The following CACNA2D3 variants were observed in gnomAD, a reference collection of about 807,000 sequenced individuals.
CACNA2D3 encodes calcium voltage-gated channel auxiliary subunit alpha2delta 3, also known as voltage-dependent calcium channel subunit alpha-2/delta-3.
Under a neutral mutation model 160.6 loss-of-function variants are expected in CACNA2D3, and 60 were observed. The ratio of observed to expected loss-of-function variants is 0.37; its 90% CI spans 0.30 to 0.46. The LOEUF is 0.46. Ranked by LOEUF, CACNA2D3 falls within the 20% of genes least tolerant of loss-of-function variation. The pLI is 1.00. For missense variants in CACNA2D3, 1,205 were observed against 1,365.0 expected (o/e 0.88, Z 1.85); for synonymous variants, 558 against 492.9 (o/e 1.13, Z -1.75).
chr3:54,999,036 G>A (rs989429791), intron 31 of CACNA2D3, among the ~76,000 whole-genome samples: 4 of 152,132 alleles, frequency 2.6e-5, no homozygotes, highest in African/African-American at 7.2e-5. Context: ...GTGAGCCACC[G>A]CGCCCGGCCA....
At chr3:55,065,154 A>G (rs973625762) in intron 35 of CACNA2D3, among the ~76,000 whole-genome samples, 1 of 152,134 alleles carries the variant, frequency 6.6e-6, no homozygotes, top group Non-Finnish European at 1.5e-5. Flanking sequence ...CAGGGATGGG[A>G]TTTCTGTCCA....
chr3:54,576,477 C>T (rs998519789), intron 8 of CACNA2D3, among the ~76,000 whole-genome samples: 1 of 152,206 alleles, frequency 6.6e-6, no homozygotes, highest in African/African-American at 2.4e-5. Flanking sequence ...TCATTGATCA[C>T]TTTGCTGTGT....
At chr3:54,361,225 A>G (rs1698737421) in intron 3 of CACNA2D3, among the ~76,000 whole-genome samples, 1 of 151,344 alleles carries the variant, frequency 6.6e-6, no homozygotes, top group South Asian at 2.1e-4. Context: ...GGTGGTCATA[A>G]ATGGAGTGGG....
At chr3:54,802,857 CA>C (rs1703025778) in intron 13 of CACNA2D3, among the ~76,000 whole-genome samples, 1 of 152,146 alleles carries the variant, frequency 6.6e-6, no homozygotes, top group Non-Finnish European at 1.5e-5. Flanking sequence ...TCCTCTGAGA[CA>C]AAACTTCCAG....
chr3:54,262,804 G>A (rs1267102672), intron 2 of CACNA2D3, among the ~76,000 whole-genome samples: 3 of 152,216 alleles, frequency 2.0e-5, no homozygotes, highest in Admixed American at 2.0e-4. Context: ...CGCATGGCGA[G>A]CCACCTCCCA....
At chr3:54,705,363 T>A (rs1451232786) in intron 11 of CACNA2D3, among the ~76,000 whole-genome samples, 1 of 152,180 alleles carries the variant, frequency 6.6e-6, no homozygotes, top group Non-Finnish European at 1.5e-5. Context: ...AGGTAACTTA[T>A]CTGTAGCCTA....
intron 27 of CACNA2D3, among the ~76,000 whole-genome samples, chr3:54,917,226 A>G (rs1253534942): frequency 6.6e-6 from 1 of 152,246 alleles, no homozygotes; most frequent in Non-Finnish European, 1.5e-5. Context: ...TCCTTTAAAT[A>G]GCCAGCTCCC....
chr3:54,279,002 G>C (rs772580490), intron 2 of CACNA2D3, among the ~76,000 whole-genome samples: 5 of 152,130 alleles, frequency 3.3e-5, no homozygotes, highest in Admixed American at 6.5e-5. Flanking sequence ...CACCAGTATT[G>C]ACAGCCCAGC....
chr3:54,264,120 T>C (rs1353338704), intron 2 of CACNA2D3, among the ~76,000 whole-genome samples: 3 of 152,166 alleles, frequency 2.0e-5, no homozygotes, highest in Admixed American at 6.5e-5. Flanking sequence ...TTGCTATTCA[T>C]CCAGCCCAAT....
intron 18 of CACNA2D3, among the ~76,000 whole-genome samples, chr3:54,876,478 C>T (rs531147071): frequency 1.1e-4 from 17 of 152,330 alleles, no homozygotes; most frequent in African/African-American, 4.1e-4. Flanking sequence ...GTAGAAGAGT[C>T]TGCCAGGAAG....
chr3:54,414,697 A>G (rs1699726023), intron 4 of CACNA2D3, among the ~76,000 whole-genome samples: 1 of 151,700 alleles, frequency 6.6e-6, no homozygotes, highest in Non-Finnish European at 1.5e-5. Flanking sequence ...TTGTGACTAT[A>G]AGTCTTAATT....
At chr3:54,653,915 A>G (rs1207930140) in intron 11 of CACNA2D3, among the ~76,000 whole-genome samples, 1 of 152,142 alleles carries the variant, frequency 6.6e-6, no homozygotes, top group African/African-American at 2.4e-5. Context: ...CTATCTAGGT[A>G]GCCACTCTTA....
rs545000438 is a variant in CACNA2D3, at chr3:54,482,509, A to G, written c.382-20983A>G. Among the ~76,000 whole-genome samples the G allele has an allele frequency of 2.6e-5, 4 of 152,302 alleles. No individual in the cohort carries two copies. In the South Asian group the frequency reaches 6.2e-4, roughly 24 times the overall value. On this transcript the variant is annotated intron_variant, in intron 4 of 37. Transcript: ENST00000474759. ...ACCAATTTAAGGAAACATTTTTATA[A>G]AAGACTAATGCCCATAATTTATGTT...
At chr3:54,954,150 G>T (rs557766405) in intron 27 of CACNA2D3, among the ~76,000 whole-genome samples, 1 of 152,268 alleles carries the variant, frequency 6.6e-6, no homozygotes, top group East Asian at 1.9e-4. Context: ...CATCATGCAG[G>T]CATTTCCTGA....
intron 11 of CACNA2D3, among the ~76,000 whole-genome samples, chr3:54,652,317 A>G (rs947747970): frequency 1.3e-5 from 2 of 152,248 alleles, no homozygotes; most frequent in Non-Finnish European, 2.9e-5. Flanking sequence ...TGTGTCTCGC[A>G]GTCCATTGTA....
intron 4 of CACNA2D3, among the ~76,000 whole-genome samples, chr3:54,446,399 C>A (rs1016347191): frequency 2.0e-5 from 3 of 152,190 alleles, no homozygotes; most frequent in Admixed American, 6.5e-5. Context: ...TAGATAAGGA[C>A]CCACAGGTGG....
At chr3:54,692,098 C>T (rs113577881) in intron 11 of CACNA2D3, among the ~76,000 whole-genome samples, 3 of 152,174 alleles carry the variant, frequency 2.0e-5, no homozygotes, top group Non-Finnish European at 2.9e-5. Context: ...CTCAGCCTCC[C>T]GAGTAGCTGG....
chr3:54,922,924 T>G (rs1465348061), intron 27 of CACNA2D3, among the ~76,000 whole-genome samples: 1 of 152,162 alleles, frequency 6.6e-6, no homozygotes, highest in East Asian at 1.9e-4. Flanking sequence ...ATTATGGTCT[T>G]CTCTTAGTCA....
At chr3:54,556,667 C>T (rs6786640) in intron 5 of CACNA2D3, among the ~76,000 whole-genome samples, 122,244 of 152,076 alleles carry the variant, frequency 0.8, 49,310 homozygotes, top group African/African-American at 0.87. Flanking sequence ...TAAAGAACCG[C>T]AAGTAAAGCA....
Sources: gnomAD v4.1 joint callset for allele counts (sites outside exome capture counted in the v4.1 genomes callset) on GRCh38, gnomAD v4.1.1 for gene constraint, MANE v1.5 for transcripts, NCBI Gene and HGNC (gene_info 2026-07-23, HGNC 2026-07-21) for gene names.